The following KHDRBS3 variants were observed in gnomAD, a reference collection of about 807,000 sequenced individuals.
KHDRBS3 encodes KH domain-containing, RNA-binding, signal transduction-associated protein 3.
A neutral mutation model predicts 45.6 loss-of-function variants in KHDRBS3; 23 were observed. The ratio of observed to expected loss-of-function variants is 0.50; its 90% CI spans 0.36 to 0.72. KHDRBS3 has a LOEUF of 0.72. Ranked by LOEUF, KHDRBS3 falls within the 30% of genes least tolerant of loss-of-function variation. KHDRBS3 has a pLI of 0.00. For missense variants in KHDRBS3, 352 were observed against 424.8 expected, an observed-to-expected ratio of 0.83 and a Z score of 1.51; for synonymous variants, 162 against 156.5, an observed-to-expected ratio of 1.04 and a Z score of -0.26.
intron 1 of KHDRBS3, among the ~76,000 whole-genome samples, chr8:135,471,551 G>A (rs992398434): frequency 6.6e-6 from 1 of 152,176 alleles, no homozygotes; most frequent in Non-Finnish European, 1.5e-5. Flanking sequence ...GGGGTGGAAG[G>A]GCTGTAATAA....
At chr8:135,468,951 G>T (rs557386892) in intron 1 of KHDRBS3, among the ~76,000 whole-genome samples, 1 of 152,146 alleles carries the variant, frequency 6.6e-6, no homozygotes. Flanking sequence ...TTATAAACTC[G>T]TGAGGGTATT....
intron 7 of KHDRBS3, among the ~76,000 whole-genome samples, chr8:135,609,969 T>A (rs980508209): frequency 3.3e-5 from 5 of 151,910 alleles, no homozygotes; most frequent in Non-Finnish European, 5.9e-5. Context: ...TTCACAGGCA[T>A]CAACCCCGTC....
intron 1 of KHDRBS3, among the ~76,000 whole-genome samples, chr8:135,492,375 G>A (rs944629988): frequency 1.3e-5 from 2 of 152,014 alleles, no homozygotes; most frequent in Admixed American, 1.3e-4. Context: ...TCAAGATAGA[G>A]ACAGCTTTAT....
At chr8:135,541,084 G>A (rs897912084) in intron 2 of KHDRBS3, 8 of 152,116 alleles carry the variant, frequency 5.3e-5, no homozygotes, top group Admixed American at 5.2e-4. Context: ...TAAGACAGTC[G>A]TATTCGTAAA....
intron 2 of KHDRBS3, among the ~76,000 whole-genome samples, chr8:135,534,149 C>T (rs1304962437): frequency 1.3e-5 from 2 of 151,992 alleles, no homozygotes; most frequent in African/African-American, 4.8e-5. Context: ...TTAGACCCAC[C>T]TCTAGAGAAA....
In KHDRBS3 at chr8:135,607,046, C is replaced by CA; in HGVS notation, c.890+10dup. ...AGCACCCCAGCCCAAAGGTAAGAGTCAGTCTTTATTACCAGACCCCACAAC... is the reference window on the plus strand; with the variant it reads ...AGCACCCCAGCCCAAAGGTAAGAGTCAAGTCTTTATTACCAGACCCCACAAC... On this transcript the variant is annotated intron_variant, in intron 7 of 8. Transcript: ENST00000355849. 6.2e-7 allele frequency: 1 copy of CA among 1,603,076 alleles called. No individual in the cohort carries two copies. The highest frequency in any genetic ancestry group is 1.3e-5 in the African/African-American group (1 of 74,806).
downstream of KHDRBS3, among the ~76,000 whole-genome samples, chr8:135,652,531 A>G (rs772988471): frequency 1.3e-5 from 2 of 152,204 alleles, no homozygotes; most frequent in Non-Finnish European, 2.9e-5. Flanking sequence ...ATTGAAAACC[A>G]TCTAGAGCTT....
intron 2 of KHDRBS3, among the ~76,000 whole-genome samples, chr8:135,523,305 G>T (rs997481802): frequency 6.6e-6 from 1 of 152,058 alleles, no homozygotes; most frequent in Non-Finnish European, 1.5e-5. Context: ...TATCAACAGC[G>T]CTTTGTACTT....
rs1474924680 is a variant in KHDRBS3, at chr8:135,536,990, AAAAAAAAGG to A, written c.208-5662_208-5654del. On this transcript the variant is annotated intron_variant, in intron 2 of 8. Coordinates refer to ENST00000355849, the MANE Select transcript of KHDRBS3 (RefSeq NM_006558.3). ...TCAAAAAAAAAAAAAAAAAAAAAAA[AAAAAAAAGG>A]AGATGTTTAGGAGGTAAAATCATTA... Among the ~76,000 whole-genome samples the A allele has an allele frequency of 1.6e-3, 67 of 43,004 alleles. 8 individuals are homozygous for A. The highest frequency in any genetic ancestry group is 8.2e-3 in the African/African-American group (60 of 7,314). 28.2% of individuals were successfully genotyped at this position (43,004 alleles called of 152,430 possible). A position where few individuals can be genotyped will look rare whatever the true frequency, so the allele number is the denominator to read the frequency against.
chr8:135,586,355 C>T (rs535039979), intron 6 of KHDRBS3, among the ~76,000 whole-genome samples: 4 of 151,982 alleles, frequency 2.6e-5, no homozygotes, highest in Admixed American at 6.6e-5. Context: ...TTCCACTAGC[C>T]GAGGTTATAA....
At chr8:135,526,007 A>C (rs1586662566) in intron 2 of KHDRBS3, among the ~76,000 whole-genome samples, 1 of 152,304 alleles carries the variant, frequency 6.6e-6, no homozygotes, top group East Asian at 1.9e-4. Context: ...TATGTTTAGA[A>C]ATATAAATAT....
intron 1 of KHDRBS3, among the ~76,000 whole-genome samples, chr8:135,499,699 A>G (rs1823636928): frequency 6.6e-6 from 1 of 152,204 alleles, no homozygotes; most frequent in Admixed American, 6.5e-5. Context: ...AAGCATCAGA[A>G]TGTTTTAAAG....
intron 1 of KHDRBS3, among the ~76,000 whole-genome samples, chr8:135,503,675 G>A (rs1178576911): frequency 6.6e-6 from 1 of 151,916 alleles, no homozygotes; most frequent in Non-Finnish European, 1.5e-5. Flanking sequence ...GAGAGGTTAA[G>A]TAACTCACCC....
At chr8:135,601,444 C>T (rs1164453505) in intron 6 of KHDRBS3, among the ~76,000 whole-genome samples, 1 of 152,142 alleles carries the variant, frequency 6.6e-6, no homozygotes, top group African/African-American at 2.4e-5. Context: ...CTCATTTGAG[C>T]TTCACCTTGA....
chr8:135,542,549 C>T (rs530921393), intron 2 of KHDRBS3, 105 bp from the exon 3 acceptor site: 13 of 696,586 alleles, frequency 1.9e-5, no homozygotes, highest in African/African-American at 1.2e-4. Context: ...AAATATTTGC[C>T]ATTAATCAAT....
In KHDRBS3 at chr8:135,545,436, G is replaced by A. The variant is rs1213062772; in HGVS notation, c.324+2666G>A. On this transcript the variant is annotated intron_variant, in intron 3 of 8. Transcript: ENST00000355849. The stretch of plus-strand genomic sequence containing the variant: ...CAAAGTTATTTGAATCCTCCCAGAC[G>A]TCAATGTGTTCTCAGGTTTAATTTA... Among the ~76,000 whole-genome samples, 5 of 152,138 alleles carry A rather than the reference G, an allele frequency of 3.3e-5. No homozygotes were observed. In the South Asian group the frequency reaches 8.3e-4, roughly 25 times the overall value.
At chr8:135,522,146 G>GT (rs1184549210) in intron 2 of KHDRBS3, among the ~76,000 whole-genome samples, 1 of 151,994 alleles carries the variant, frequency 6.6e-6, no homozygotes, top group African/African-American at 2.4e-5. Flanking sequence ...TCCCCTCCCT[G>GT]TGTCCGTGTG....
intron 4 of KHDRBS3, among the ~76,000 whole-genome samples, chr8:135,654,643 G>A (rs761618355): frequency 2.0e-5 from 3 of 152,216 alleles, no homozygotes; most frequent in Non-Finnish European, 2.9e-5. Flanking sequence ...AGAGCTGAAA[G>A]TCCTGCGACC....
intron 3 of KHDRBS3, among the ~76,000 whole-genome samples, chr8:135,543,859 TTGTGTGGGATAC>T (rs1826161761): frequency 6.6e-6 from 1 of 152,210 alleles, no homozygotes; most frequent in Non-Finnish European, 1.5e-5. Context: ...TGTTTCAGAT[TTGTGTGGGATAC>T]TGTTTAAAAG....
Sources: gnomAD v4.1 joint callset for allele counts (sites outside exome capture counted in the v4.1 genomes callset) on GRCh38, gnomAD v4.1.1 for gene constraint, MANE v1.5 for transcripts, NCBI Gene and HGNC (gene_info 2026-07-23, HGNC 2026-07-21) for gene names.